ZMYM2: variants seen among roughly 807,000 people sequenced by gnomAD.
ZMYM2 encodes the protein zinc finger MYM-type containing 2, also known as zinc finger MYM-type protein 2.
ZMYM2 carries 56 observed loss-of-function variants against 162.8 expected under a neutral mutation model. The observed-to-expected ratio is 0.34, with a 90% CI of 0.28 to 0.43. ZMYM2 has a LOEUF of 0.43. Ranked by LOEUF, ZMYM2 falls within the 20% of genes least tolerant of loss-of-function variation. ZMYM2 has a pLI of 1.00. For missense variants in ZMYM2, 1,275 were observed against 1,621.8 expected, an observed-to-expected ratio of 0.79 and a Z score of 3.67; for synonymous variants, 510 against 541.6, an observed-to-expected ratio of 0.94 and a Z score of 0.81.
At chr13:20,031,468 T>C (rs1953129833) in intron 10 of ZMYM2, 33 bp downstream of exon 10, 1 of 1,357,898 alleles carries the variant, frequency 7.4e-7, no homozygotes, top group African/African-American at 1.5e-5. Flanking sequence ...TGTTATCTAA[T>C]GCTAAAAAGA....
chr13:19,912,293 T>C, the ZMYM2 span, among the ~76,000 whole-genome samples: 1 of 42,090 alleles, frequency 2.4e-5, no homozygotes, highest in African/African-American at 1.3e-4. Context: ...GTTTTTTGGG[T>C]TTTTTTTTTT....
rs778284800 is a variant in ZMYM2 at position 20,083,528 on chromosome 13, C to T, written c.3821-128C>T. ...TTTTGTTTGAAAAATTGTACATTAC[C>T]AGAAGCCATAACTTAAAACTCCAAG... is the stretch of plus-strand genomic sequence containing the variant. On this transcript the variant is annotated intron_variant, in intron 23 of 24. Transcript: ENST00000610343. The T allele has an allele frequency of 1.3e-5, 9 of 688,602 alleles. No homozygotes were observed. In the Admixed American group the frequency reaches 2.0e-4, roughly 15 times the overall value. 42.7% of individuals were successfully genotyped at this position (688,602 alleles called of 1,614,324 possible).
chr13:19,934,889 C>T, the ZMYM2 span, among the ~76,000 whole-genome samples: 1 of 151,918 alleles, frequency 6.6e-6, no homozygotes, highest in Non-Finnish European at 1.5e-5. Flanking sequence ...GCCTCAGTCT[C>T]CTGAATAGCT....
At chr13:20,017,610 T>A (rs1271802252) in intron 6 of ZMYM2, among the ~76,000 whole-genome samples, 1 of 127,846 alleles carries the variant, frequency 7.8e-6, no homozygotes, top group African/African-American at 2.5e-5. Context: ...GTGACATGAA[T>A]GTTACTTTTT....
At chr13:19,884,778 C>G in the ZMYM2 span, among the ~76,000 whole-genome samples, 1 of 152,092 alleles carries the variant, frequency 6.6e-6, no homozygotes, top group Admixed American at 6.6e-5. Flanking sequence ...TGCCGACGCC[C>G]CCAAGACAGA....
chr13:20,022,688 T>G (rs1409190692), intron 7 of ZMYM2, among the ~76,000 whole-genome samples: 1 of 152,188 alleles, frequency 6.6e-6, no homozygotes, highest in Non-Finnish European at 1.5e-5. Context: ...AGACAAATCT[T>G]GCAATATGAA....
chr13:19,879,960 A>T, the ZMYM2 span, among the ~76,000 whole-genome samples: 2 of 152,192 alleles, frequency 1.3e-5, no homozygotes, highest in Non-Finnish European at 2.9e-5. Context: ...AAGGAAAGGC[A>T]TATTTCCTCT....
chr13:19,882,873 A>G, the ZMYM2 span, among the ~76,000 whole-genome samples: 3 of 152,300 alleles, frequency 2.0e-5, no homozygotes, highest in South Asian at 6.2e-4. Context: ...AACATTAATT[A>G]TCTTTTGACC....
intron 5 of ZMYM2, 120 bp downstream of exon 5, chr13:20,005,359 C>T: frequency 1.5e-6 from 1 of 680,376 alleles, no homozygotes; most frequent in South Asian, 2.4e-5. Flanking sequence ...TAAAGACTAT[C>T]TTATAAATAT....
intron 9 of ZMYM2, chr13:20,027,919 T>C (rs888487892): frequency 1.2e-5 from 2 of 170,508 alleles, no homozygotes; most frequent in Non-Finnish European, 2.6e-5. Context: ...AGGAATAGTT[T>C]AGAGGGAATT....
At chr13:20,026,403 C>T (rs1365673520) in intron 7 of ZMYM2, 5 of 419,426 alleles carry the variant, frequency 1.2e-5, no homozygotes, top group Non-Finnish European at 4.2e-6. Flanking sequence ...TTTTTGAAGG[C>T]GACTTAGCTG....
chr13:19,998,642 C>G (rs957222114), intron 3 of ZMYM2, among the ~76,000 whole-genome samples: 2 of 152,098 alleles, frequency 1.3e-5, no homozygotes, highest in Admixed American at 1.3e-4. Flanking sequence ...TAACAGAATT[C>G]CAGAATGCAC....
At position 20,061,080 on chromosome 13, in the gene ZMYM2, C is replaced by G. The variant is rs757155874; in HGVS notation, c.2767C>G (p.Pro923Ala). ...GCCAGTTCCTGTTTTTCTGCCTGCT[C>G]CATTGGACAGCAGTGAGAAGATTCC... ...PVPVPVFLPAPLDSSEKIPAA... is the reference protein window; with the variant it reads ...PVPVPVFLPAALDSSEKIPAA... Residue 923 changes from proline to alanine, a missense_variant, in exon 17 of 25, where the codon CCA becomes GCA. Pro to Ala is a conservative substitution (Grantham distance 27). Transcript: ENST00000610343. 4.3e-6 allele frequency: 7 copies of G among 1,612,064 alleles called. No individual in the cohort carries two copies. The highest frequency in any genetic ancestry group is 5.1e-6 in the Non-Finnish European group (6 of 1,179,034).
chr13:20,006,300 G>T, intron 5 of ZMYM2, 74 bp from the exon 6 acceptor site: 12 of 1,390,350 alleles, frequency 8.6e-6, no homozygotes, highest in South Asian at 3.1e-5. Context: ...CTTTATTTCT[G>T]TTCAGAATGC....
chr13:19,956,037 G>C (rs1954507759), upstream of ZMYM2, among the ~76,000 whole-genome samples: 1 of 152,172 alleles, frequency 6.6e-6, no homozygotes, highest in African/African-American at 2.4e-5. Flanking sequence ...AAGGTATGCT[G>C]TTCAGAGGTT....
At position 20,061,279 on chromosome 13, in the gene ZMYM2, A is replaced by G. The variant is rs1274647489; in HGVS notation, c.2911+55A>G. On this transcript the variant is annotated intron_variant, in intron 17 of 24. Coordinates refer to ENST00000610343, the MANE Select transcript of ZMYM2 (RefSeq NM_197968.4). ...TAAGTGTTAACATTGGTTATTTATA[A>G]GTATTGTTACAGTACTTTCCAGGGC... 20 of 1,570,292 alleles carry G rather than the reference A, an allele frequency of 1.3e-5. No homozygotes were observed. In the Admixed American group the frequency reaches 3.6e-4, roughly 28 times the overall value.
chr13:19,970,546 A>G (rs889177712), intron 2 of ZMYM2, among the ~76,000 whole-genome samples: 21 of 150,842 alleles, frequency 1.4e-4, no homozygotes, highest in African/African-American at 5.1e-4. Flanking sequence ...GCACACAAGA[A>G]GAGAGAGAGC....
At chr13:19,871,086 A>G in the ZMYM2 span, among the ~76,000 whole-genome samples, 41 of 151,974 alleles carry the variant, frequency 2.7e-4, no homozygotes, top group African/African-American at 9.9e-4. Flanking sequence ...AAAAAAAATA[A>G]GCAAAACAAA....
intron 21 of ZMYM2, among the ~76,000 whole-genome samples, chr13:20,076,708 C>T (rs935612291): frequency 1.3e-5 from 2 of 150,468 alleles, no homozygotes; most frequent in East Asian, 1.9e-4. Context: ...AGTAAACTCA[C>T]AGTGTGGCTT....
Sources: allele counts gnomAD v4.1 joint callset (sites outside exome capture counted in the v4.1 genomes callset), GRCh38; gene constraint gnomAD v4.1.1; transcripts MANE v1.5; gene names NCBI Gene and HGNC (gene_info 2026-07-23, HGNC 2026-07-21).